Variants in NOS1AP observed in about 807,000 individuals in gnomAD.
NOS1AP encodes the protein carboxyl-terminal PDZ ligand of neuronal nitric oxide synthase protein.
NOS1AP carries 21 observed loss-of-function variants against 56.2 expected under a neutral mutation model. That is an observed-to-expected ratio of 0.37 (90% CI 0.26 to 0.54). The LOEUF (loss-of-function observed/expected upper bound fraction) is 0.54. Ranked by LOEUF, NOS1AP falls within the 20% of genes least tolerant of loss-of-function variation. The pLI, the probability that NOS1AP is intolerant of heterozygous loss-of-function variation, is 0.84. For synonymous variants in NOS1AP, 270 were observed against 274.6 expected (o/e 0.98, Z 0.17); for missense variants, 522 against 657.8 (o/e 0.79, Z 2.26).
At chr1:162,113,735 T>C (rs1647805122) in intron 1 of NOS1AP, among the ~76,000 whole-genome samples, 1 of 152,082 alleles carries the variant, frequency 6.6e-6, no homozygotes, top group African/African-American at 2.4e-5. Context: ...TATGATCCAC[T>C]ACCTCCTGCC....
intron 2 of NOS1AP, among the ~76,000 whole-genome samples, chr1:162,184,248 T>C (rs114140787): frequency 0.035 from 5,347 of 152,334 alleles, 136 homozygotes; most frequent in Non-Finnish European, 0.049. Flanking sequence ...CTGTCTCATA[T>C]GGGCACAGTT....
chr1:162,246,916 T>A (rs1460165347), intron 2 of NOS1AP, among the ~76,000 whole-genome samples: 1 of 152,150 alleles, frequency 6.6e-6, no homozygotes, highest in Non-Finnish European at 1.5e-5. Flanking sequence ...TAAGGTTGGG[T>A]AAAACTGTAG....
intron 2 of NOS1AP, among the ~76,000 whole-genome samples, chr1:162,243,029 G>A (rs957411996): frequency 3.3e-5 from 5 of 152,128 alleles, no homozygotes; most frequent in African/African-American, 1.2e-4. Flanking sequence ...GGCAGTGCAG[G>A]AGCCTGATTA....
At chr1:162,124,678 C>T (rs145648182) in intron 1 of NOS1AP, among the ~76,000 whole-genome samples, 7,952 of 151,940 alleles carry the variant, frequency 0.052, 242 homozygotes, top group Middle Eastern at 0.068. Context: ...CCCGCCAGCG[C>T]GCCCAGCTAA....
At chr1:162,313,174 T>C (rs1043911093) in intron 4 of NOS1AP, among the ~76,000 whole-genome samples, 1 of 152,170 alleles carries the variant, frequency 6.6e-6, no homozygotes, top group African/African-American at 2.4e-5. Flanking sequence ...ACAAACAGGG[T>C]GTCTCCCATG....
chr1:162,325,186 C>G (rs897597554), intron 4 of NOS1AP, among the ~76,000 whole-genome samples: 2 of 152,112 alleles, frequency 1.3e-5, no homozygotes, highest in Admixed American at 1.3e-4. Context: ...TTAAAAAGCC[C>G]TGTATATACA....
Position 162,368,292 on chromosome 1 carries a change from G to A in NOS1AP, c.*825G>A, listed in dbSNP as rs1279655245. ...AGCCCAGCCCATCTAAATGGAAGCT[G>A]GGAATTGCCCCTCACCTCCCCTGTG... On this transcript the variant is annotated 3_prime_UTR_variant, in exon 10 of 10. Transcript: ENST00000361897. 1.3e-5 allele frequency: 2 copies of A among 152,212 alleles called. No homozygotes were observed. Among genetic ancestry groups the A allele is most frequent in the East Asian group, 1.9e-4 (1 of 5,168 alleles). The allele number at this position is 152,212 out of a possible 1,614,324, so 9.4% of individuals were successfully genotyped here.
chr1:162,142,482 T>G (rs74125930), intron 1 of NOS1AP, among the ~76,000 whole-genome samples: 20,542 of 152,048 alleles, frequency 0.14, 1,734 homozygotes, highest in African/African-American at 0.24. Flanking sequence ...ATGTGGGGTT[T>G]TTTTTGTCTG....
At chr1:162,151,705 C>T (rs985816695) in intron 1 of NOS1AP, among the ~76,000 whole-genome samples, 1 of 152,068 alleles carries the variant, frequency 6.6e-6, no homozygotes, top group African/African-American at 2.4e-5. Context: ...AGAGATCTTT[C>T]ACTTCTTTGG....
At chr1:162,289,252 CCTTCCTTCCTTCCTTCCTTCCTTCCTTT>C (rs749042615) in intron 3 of NOS1AP, among the ~76,000 whole-genome samples, 11,518 of 86,768 alleles carry the variant, frequency 0.13, 1,136 homozygotes, top group African/African-American at 0.25. Context: ...TTCCTTCCTT[CCTTCCTTCCTTCCTTCCTTCCTTCCTTT>C]CCTTCCTTCC....
chr1:162,163,726 G>A (rs567231583), intron 2 of NOS1AP, among the ~76,000 whole-genome samples: 17 of 152,304 alleles, frequency 1.1e-4, no homozygotes, highest in African/African-American at 3.8e-4. Flanking sequence ...ATGGCAAGAA[G>A]GCTAGTGTGA....
chr1:162,149,219 A>T (rs1649604765), intron 1 of NOS1AP, among the ~76,000 whole-genome samples: 2 of 152,224 alleles, frequency 1.3e-5, no homozygotes, highest in Admixed American at 6.5e-5. Flanking sequence ...TCAGTCTTTG[A>T]CTGAAGGCAG....
At chr1:162,277,726 T>C (rs1654786967) in intron 2 of NOS1AP, among the ~76,000 whole-genome samples, 1 of 152,216 alleles carries the variant, frequency 6.6e-6, no homozygotes, top group South Asian at 2.1e-4. Context: ...GATAGACTTT[T>C]TCAATGTATA....
At chr1:162,358,015 G>A (rs924868937) in intron 8 of NOS1AP, among the ~76,000 whole-genome samples, 1 of 152,182 alleles carries the variant, frequency 6.6e-6, no homozygotes, top group Non-Finnish European at 1.5e-5. Flanking sequence ...GAAGATCTTA[G>A]GAGACGGGGC....
chr1:162,176,413 A>T (rs182307939), intron 2 of NOS1AP, among the ~76,000 whole-genome samples: 1 of 152,226 alleles, frequency 6.6e-6, no homozygotes, highest in Admixed American at 6.5e-5. Flanking sequence ...ATGTAATTAG[A>T]ATCATAGAAA....
At chr1:162,171,956 G>A (rs1650807575) in intron 2 of NOS1AP, among the ~76,000 whole-genome samples, 1 of 152,152 alleles carries the variant, frequency 6.6e-6, no homozygotes, top group South Asian at 2.1e-4. Flanking sequence ...CCGTTAAATG[G>A]AAAGGTGTCA....
intron 3 of NOS1AP, among the ~76,000 whole-genome samples, chr1:162,289,936 T>G (rs903215981): frequency 6.6e-6 from 1 of 152,190 alleles, no homozygotes; most frequent in African/African-American, 2.4e-5. Flanking sequence ...GTCTCTCCCA[T>G]GTACCTTTAC....
intron 2 of NOS1AP, among the ~76,000 whole-genome samples, chr1:162,161,779 T>C (rs1650234321): frequency 6.6e-6 from 1 of 152,178 alleles, no homozygotes; most frequent in Non-Finnish European, 1.5e-5. Context: ...GGGGTCTCCC[T>C]ATGTTGCCCA....
chr1:162,091,010 G>C (rs570126577), intron 1 of NOS1AP, among the ~76,000 whole-genome samples: 1 of 152,062 alleles, frequency 6.6e-6, no homozygotes, highest in Non-Finnish European at 1.5e-5. Context: ...AAAAAGGAGG[G>C]TTGGTTTGGT....
Sources: gnomAD v4.1 joint callset for allele counts (sites outside exome capture counted in the v4.1 genomes callset) on GRCh38, gnomAD v4.1.1 for gene constraint, MANE v1.5 for transcripts, NCBI Gene and HGNC (gene_info 2026-07-23, HGNC 2026-07-21) for gene names.